The following PKP3 variants were observed in gnomAD, a reference collection of about 807,000 sequenced individuals.
PKP3 encodes the protein plakophilin-3.
Under a neutral mutation model 76.5 loss-of-function variants are expected in PKP3, and 66 were observed. The observed-to-expected ratio is 0.86, with a 90% CI of 0.71 to 1.06. The LOEUF (loss-of-function observed/expected upper bound fraction) is 1.06, where lower values mean the gene tolerates loss of function less well. Ranked by LOEUF, PKP3 falls within the 50% of genes least tolerant of loss-of-function variation. The pLI, the probability that PKP3 is intolerant of heterozygous loss-of-function variation, is 0.00. For missense variants in PKP3, 1,338 were observed against 1,141.0 expected (o/e 1.17, Z -2.49); for synonymous variants, 638 against 516.5 (o/e 1.24, Z -3.19).
intron 5 of PKP3, 38 bp from the exon 6 acceptor site, chr11:399,929 G>C: frequency 6.5e-7 from 1 of 1,538,794 alleles, no homozygotes; most frequent in Non-Finnish European, 8.8e-7. Context: ...GAGGGGGTTG[G>C]AGGGCAGACG....
At position 394,338 on chromosome 11, in the gene PKP3, G is replaced by C; in HGVS notation, c.46G>C (p.Gly16Arg). ...FLLSALQPEAGVCSLALPSDL... is the reference protein window; with the variant it reads ...FLLSALQPEARVCSLALPSDL... ...GCTGTCGGCCCTGCAGCCTGAGGCC[G>C]GCGTGTGCTCCCTGGCGCTGCCCTC... Residue 16 changes from glycine (G) to arginine (R), a missense_variant, in exon 1 of 13, where the codon GGC (glycine) becomes CGC (arginine). By Grantham distance (125) the Gly-to-Arg change is moderately radical. Transcript: ENST00000331563. 6.6e-7 allele frequency: 1 copy of C among 1,514,660 alleles called. No individual in the cohort carries two copies. Among genetic ancestry groups the C allele is most frequent in the African/African-American group, 1.4e-5 (1 of 69,776 alleles). 93.8% of individuals were successfully genotyped at this position (1,514,660 alleles called of 1,614,324 possible).
At chr11:400,255 G>A (rs929487365) in intron 6 of PKP3, 79 bp from the exon 7 acceptor site, 22 of 1,418,682 alleles carry the variant, frequency 1.6e-5, no homozygotes, top group East Asian at 2.5e-5. Context: ...GGGGATGGGC[G>A]TGCGAGGGCC....
rs771568648 is a variant in PKP3 at position 399,135 on chromosome 11, G to A, written c.1212G>A (p.Gly404=). 7.4e-6 allele frequency: 12 copies of A among 1,611,876 alleles called. No homozygotes were observed. Among genetic ancestry groups the A allele is most frequent in the Non-Finnish European group, 1.0e-5 (12 of 1,179,422 alleles). Residue 404 remains glycine, a synonymous_variant, in exon 5 of 13, where the codon GGG becomes GGA. Transcript: ENST00000331563. ...AGCTGGCCCTGGTGGAGGAGAACGG[G>A]ATCTTCGAGCTGCTGCGGACACTGC... The part of the protein sequence containing the change: ...DNKLALVEEN[G]IFELLRTLRE...
At chr11:399,250 T>G (rs1847107491) in intron 5 of PKP3, 54 bp downstream of exon 5, 1 of 1,198,904 alleles carries the variant, frequency 8.3e-7, no homozygotes, top group Admixed American at 2.6e-5. Context: ...CCCCTCTGCC[T>G]ATCCCCCCTG....
intron 4 of PKP3, among the ~76,000 whole-genome samples, chr11:398,188 A>C (rs1268534564): frequency 2.6e-5 from 1 of 38,900 alleles, no homozygotes; most frequent in Non-Finnish European, 4.7e-5. Context: ...CCCTACCCCC[A>C]CATATACCTC....
At position 399,163 on chromosome 11, in the gene PKP3, G is replaced by A. The variant is rs895490572; in HGVS notation, c.1240G>A (p.Glu414Lys). 2 of 1,608,176 alleles carry A rather than the reference G, an allele frequency of 1.2e-6. No homozygotes were observed. The highest frequency in any genetic ancestry group is 1.3e-5 in the African/African-American group (1 of 74,798). Residue 414 changes from glutamate (E) to lysine (K), a missense_variant, in exon 5 of 13, where the codon GAG (glutamate) becomes AAG (lysine). Physicochemically the swap from Glu to Lys is moderately conservative, Grantham distance 56. Coordinates refer to ENST00000331563, the MANE Select transcript of PKP3 (RefSeq NM_007183.4). Reference protein sequence around the residue: ...GIFELLRTLREQDDELRKNVT... With the variant: ...GIFELLRTLRKQDDELRKNVT... ...CTTCGAGCTGCTGCGGACACTGCGG[G>A]AGCAGGATGATGAGCTTCGCAAAAA...
rs1273164639 is a variant in PKP3 at position 394,359 on chromosome 11, C to T, written c.67C>T (p.Pro23Ser). ...PEAGVCSLAL[P>S]SDLQLDRRGA... Reference sequence around the variant, plus strand: ...GGCCGGCGTGTGCTCCCTGGCGCTGCCCTCTGACCTGCAGCTGGACCGCCG... The same window carrying T: ...GGCCGGCGTGTGCTCCCTGGCGCTGTCCTCTGACCTGCAGCTGGACCGCCG... The change falls in exon 1 of 13, where the codon CCC (proline) becomes TCC (serine). Residue 23 changes from proline (P) to serine (S), a missense_variant. Transcript: ENST00000331563. 6.6e-7 allele frequency: 1 copy of T among 1,506,906 alleles called. No individual in the cohort carries two copies. The highest frequency in any genetic ancestry group is 1.2e-5 in the South Asian group (1 of 81,646). The allele number at this position is 1,506,906 out of a possible 1,614,324, so 93.3% of individuals were successfully genotyped here. A position where few individuals can be genotyped will look rare whatever the true frequency, so the allele number is the denominator to read the frequency against.
chr11:394,443 C>T lies in PKP3; in HGVS notation c.151C>T (p.Arg51Cys), dbSNP rs1176479626. ...LRAARVQEQV[R>C]ARLLQLGQQP... ...GGCAGCCCGCGTCCAGGAGCAGGTCCGCGCCCGCCTCTTGCAGCTGGGACA... is the reference window on the plus strand; with the variant it reads ...GGCAGCCCGCGTCCAGGAGCAGGTCTGCGCCCGCCTCTTGCAGCTGGGACA... Residue 51 changes from arginine (R) to cysteine (C), a missense_variant, in exon 1 of 13, where the codon CGC (arginine) becomes TGC (cysteine). Transcript: ENST00000331563. The T allele has an allele frequency of 7.6e-6, 11 of 1,454,200 alleles. No individual in the cohort carries two copies. The highest frequency in any genetic ancestry group is 2.9e-5 in the East Asian group (1 of 34,606). The allele number at this position is 1,454,200 out of a possible 1,614,324, so 90.1% of individuals were successfully genotyped here.
rs745450593 is a variant in PKP3, at chr11:400,637, G to T, written c.1669G>T (p.Asp557Tyr). 3.6e-6 allele frequency: 5 copies of T among 1,385,176 alleles called. No individual in the cohort carries two copies. Among genetic ancestry groups the T allele is most frequent in the Non-Finnish European group, 3.7e-6 (4 of 1,077,936 alleles). 85.8% of individuals were successfully genotyped at this position (1,385,176 alleles called of 1,614,324 possible). ...LQRLEGRGRRDLAGAPPGEVV... is the reference protein window; with the variant it reads ...LQRLEGRGRRYLAGAPPGEVV... ...GCGGCTGGAGGGTCGCGGCCGCAGGGACCTGGCGGGGGCGCCGCCGGGAGA... is the reference window on the plus strand; with the variant it reads ...GCGGCTGGAGGGTCGCGGCCGCAGGTACCTGGCGGGGGCGCCGCCGGGAGA... Residue 557 changes from aspartate to tyrosine, a missense_variant, in exon 8 of 13, where the codon GAC becomes TAC. Asp to Tyr is a radical substitution (Grantham distance 160). Transcript: ENST00000331563.
At position 394,485 on chromosome 11, in the gene PKP3, G is replaced by A. The variant is rs1036055950; in HGVS notation, c.193G>A (p.Gly65Arg). The change falls in exon 1 of 13, where the codon GGG (glycine) becomes AGG (arginine). Residue 65 changes from glycine (G) to arginine (R), a missense_variant. Physicochemically the swap from Gly to Arg is moderately radical, Grantham distance 125. Coordinates refer to ENST00000331563, the MANE Select transcript of PKP3 (RefSeq NM_007183.4). Reference sequence around the variant, plus strand: ...GCTGGGACAGCAGCCGCGGCACAACGGGGCCGCTGAGCCCGAGCCTGAGGC... The same window carrying A: ...GCTGGGACAGCAGCCGCGGCACAACAGGGCCGCTGAGCCCGAGCCTGAGGC... ...LQLGQQPRHN[G>R]AAEPEPEAET... 28 of 1,420,392 alleles carry A rather than the reference G, an allele frequency of 2.0e-5. No homozygotes were observed. Among genetic ancestry groups the A allele is most frequent in the African/African-American group, 1.5e-4 (10 of 66,246 alleles). 88.0% of individuals were successfully genotyped at this position (1,420,392 alleles called of 1,614,324 possible). A position where few individuals can be genotyped will look rare whatever the true frequency, so the allele number is the denominator to read the frequency against.
chr11:403,050 C>G lies in PKP3; in HGVS notation c.1738-28C>G. 2 of 1,396,280 alleles carry G rather than the reference C, an allele frequency of 1.4e-6. 1 individual carries two copies. Among genetic ancestry groups the G allele is most frequent in the Non-Finnish European group, 1.9e-6 (2 of 1,074,524 alleles). The allele number at this position is 1,396,280 out of a possible 1,614,324, so 86.5% of individuals were successfully genotyped here. ...CTCACCCCGACCCGCTCACCCCGAC[C>G]CCGCCGACTCCTCCCCGCCCTGCGC... is the stretch of plus-strand genomic sequence containing the variant. On this transcript the variant is annotated intron_variant, in intron 8 of 12. Coordinates refer to ENST00000331563, the MANE Select transcript of PKP3 (RefSeq NM_007183.4).
intron 8 of PKP3, 38 bp from the exon 9 acceptor site, chr11:403,032 CGACCCGCT>C: frequency 1.5e-6 from 1 of 664,122 alleles, no homozygotes; most frequent in South Asian, 2.6e-5. Context: ...CCGCTCACCC[CGACCCGCT>C]CACCCCGACC....
chr11:393,711 C>A (rs1190735170), upstream of PKP3, among the ~76,000 whole-genome samples: 1 of 152,102 alleles, frequency 6.6e-6, no homozygotes, highest in Non-Finnish European at 1.5e-5. Context: ...ACCCCTGACT[C>A]CCGACAGTGT....
chr11:397,837 T>C (rs1847075539), intron 4 of PKP3, 175 bp downstream of exon 4: 1 of 629,864 alleles, frequency 1.6e-6, no homozygotes, highest in South Asian at 2.0e-5. Context: ...ACAATTTGGA[T>C]ACACCAGTAT....
At chr11:393,986 C>G (rs181574296), upstream of PKP3, among the ~76,000 whole-genome samples, 2 of 152,234 alleles carry the variant, frequency 1.3e-5, no homozygotes, top group South Asian at 2.1e-4. Flanking sequence ...AAGAAGGACC[C>G]AGGTCCCCGT....
intron 2 of PKP3, 62 bp downstream of exon 2, chr11:396,749 C>A: frequency 6.3e-7 from 1 of 1,574,852 alleles, no homozygotes; most frequent in South Asian, 1.2e-5. Context: ...GAGTGGGAGG[C>A]TCTGCAGCGG....
rs899268331 is a variant in PKP3, at chr11:394,425, C to A, written c.133C>A (p.Arg45Ser). 147 of 1,469,440 alleles carry A rather than the reference C, an allele frequency of 1.0e-4. No homozygotes were observed. Among genetic ancestry groups the A allele is most frequent in the Non-Finnish European group, 1.3e-4 (141 of 1,118,750 alleles). 91.0% of individuals were successfully genotyped at this position (1,469,440 alleles called of 1,614,324 possible). Residue 45 changes from arginine to serine, a missense_variant, in exon 1 of 13, where the codon CGC becomes AGC. Coordinates refer to ENST00000331563, the MANE Select transcript of PKP3 (RefSeq NM_007183.4). The part of the protein sequence containing the change: ...GPEAERLRAA[R>S]VQEQVRARLL... ...GGAGGCCGAGCGGCTGCGGGCAGCC[C>A]GCGTCCAGGAGCAGGTCCGCGCCCG...
Position 400,709 on chromosome 11 carries a change from G to T in PKP3, c.1737+4G>T. ...GCAGAGCCGGCGGCTGCGCGAGGTG[G>T]GCACCAGCCTGAGCGGGGCGTGGGG... On this transcript the variant is annotated splice_donor_region_variant and intron_variant, in intron 8 of 12. Coordinates refer to ENST00000331563, the MANE Select transcript of PKP3 (RefSeq NM_007183.4). 2.4e-6 allele frequency: 3 copies of T among 1,249,682 alleles called. No individual in the cohort carries two copies. The highest frequency in any genetic ancestry group is 3.0e-6 in the Non-Finnish European group (3 of 992,764). 77.4% of individuals were successfully genotyped at this position (1,249,682 alleles called of 1,614,324 possible). A position where few individuals can be genotyped will look rare whatever the true frequency, so the allele number is the denominator to read the frequency against.
Position 400,230 on chromosome 11 carries a change from C to T in PKP3, c.1448+89C>T, listed in dbSNP as rs1202662359. On this transcript the variant is annotated intron_variant, in intron 6 of 12. Transcript: ENST00000331563. ...GGCCTGGCGTTCGCAGCCCACACAC[C>T]GCACGCCTCGCGCTGGGGATGGGCG... The T allele has an allele frequency of 7.8e-6, 11 of 1,405,556 alleles. No individual in the cohort carries two copies. In the Admixed American group the frequency reaches 2.1e-4, roughly 27 times the overall value. 87.1% of individuals were successfully genotyped at this position (1,405,556 alleles called of 1,614,324 possible). A position where few individuals can be genotyped will look rare whatever the true frequency, so the allele number is the denominator to read the frequency against.
Sources: gnomAD v4.1 joint callset for allele counts (sites outside exome capture counted in the v4.1 genomes callset) on GRCh38, gnomAD v4.1.1 for gene constraint, MANE v1.5 for transcripts, NCBI Gene and HGNC (gene_info 2026-07-23, HGNC 2026-07-21) for gene names.